Variants in EVI5 observed in about 807,000 individuals in gnomAD.
EVI5 encodes ecotropic viral integration site 5 protein homolog.
EVI5 carries 73 observed loss-of-function variants against 112.0 expected under a neutral mutation model. The ratio of observed to expected loss-of-function variants is 0.65; its 90% CI spans 0.54 to 0.79. The LOEUF (loss-of-function observed/expected upper bound fraction) is 0.79. EVI5 is among the 30% of genes least tolerant of loss of function. The probability of loss-of-function intolerance (pLI) is 0.00; values close to 1 mark genes in which losing one functional copy is unlikely to be tolerated. For synonymous variants in EVI5, 305 were observed against 319.9 expected (o/e 0.95, Z 0.50); for missense variants, 900 against 968.8 (o/e 0.93, Z 0.94).
intron 18 of EVI5, among the ~76,000 whole-genome samples, chr1:92,582,285 G>A (rs566695469): frequency 2.0e-5 from 3 of 152,268 alleles, no homozygotes; most frequent in East Asian, 1.9e-4. Context: ...GTGGTCCATC[G>A]TTGACTGAAA....
intron 18 of EVI5, among the ~76,000 whole-genome samples, chr1:92,576,241 T>A (rs926921735): frequency 6.7e-6 from 1 of 149,580 alleles, no homozygotes; most frequent in Non-Finnish European, 1.5e-5. Context: ...ATGTATGTCA[T>A]GTGTACATAT....
chr1:92,763,684 G>C (rs1401851121), intron 1 of EVI5, among the ~76,000 whole-genome samples: 1 of 152,176 alleles, frequency 6.6e-6, no homozygotes, highest in Non-Finnish European at 1.5e-5. Context: ...TGGAATCCCA[G>C]CACTTTAGGA....
chr1:92,579,791 A>C (rs377084667), intron 18 of EVI5, among the ~76,000 whole-genome samples: 2 of 152,202 alleles, frequency 1.3e-5, no homozygotes, highest in East Asian at 1.9e-4. Context: ...TTGGCCTCCC[A>C]AAGTGCTGAG....
intron 19 of EVI5, among the ~76,000 whole-genome samples, chr1:92,514,895 G>C (rs1659620399): frequency 6.6e-6 from 1 of 152,212 alleles, no homozygotes; most frequent in Admixed American, 6.5e-5. Context: ...TTTGCTAAGA[G>C]TCTCCATCCT....
At chr1:92,632,980 G>A (rs987791317) in intron 14 of EVI5, among the ~76,000 whole-genome samples, 9 of 152,076 alleles carry the variant, frequency 5.9e-5, no homozygotes, top group African/African-American at 1.9e-4. Flanking sequence ...GCAGTTGATC[G>A]GTTTTGAGTG....
chr1:92,783,498 A>AAAAG lies in EVI5; in HGVS notation c.-82+1337_-82+1338insCTTT, dbSNP rs375407009. On this transcript the variant is annotated intron_variant, in intron 1 of 19. Transcript: ENST00000684568. The stretch of plus-strand genomic sequence containing the variant: ...GACTCAGCCTTAAAAAAAAAAAAAA[A>AAAAG]AAAAAAAAAGAAAAGAAAAGAAAAG... Among the ~76,000 whole-genome samples, 1,092 of 128,836 alleles carry AAAAG rather than the reference A, an allele frequency of 8.5e-3. 29 individuals carry two copies. The highest frequency in any genetic ancestry group is 0.035 in the Admixed American group (409 of 11,786). The allele number at this position is 128,836 out of a possible 152,430, so 84.5% of individuals were successfully genotyped here. A position where few individuals can be genotyped will look rare whatever the true frequency, so the allele number is the denominator to read the frequency against.
chr1:92,534,553 A>T (rs1029699613), intron 19 of EVI5, among the ~76,000 whole-genome samples: 1 of 152,220 alleles, frequency 6.6e-6, no homozygotes, highest in African/African-American at 2.4e-5. Context: ...ACAGTAACCA[A>T]AACAGCATGG....
chr1:92,588,807 A>C (rs367968179), intron 18 of EVI5, among the ~76,000 whole-genome samples: 1 of 152,258 alleles, frequency 6.6e-6, no homozygotes, highest in African/African-American at 2.4e-5. Flanking sequence ...GTGGGTTTTA[A>C]AATTAGAATA....
chr1:92,726,903 C>A (rs774410503), intron 2 of EVI5, among the ~76,000 whole-genome samples: 7 of 151,670 alleles, frequency 4.6e-5, no homozygotes, highest in South Asian at 4.2e-4. Flanking sequence ...AACACAACCA[C>A]CAAAATAACA....
chr1:92,768,902 G>A (rs534130975), intron 1 of EVI5, among the ~76,000 whole-genome samples: 5 of 152,038 alleles, frequency 3.3e-5, no homozygotes, highest in South Asian at 4.2e-4. Context: ...ACAAAATCTC[G>A]CTGAATCTTA....
chr1:92,606,210 T>G (rs1650342401), intron 17 of EVI5, among the ~76,000 whole-genome samples: 1 of 152,228 alleles, frequency 6.6e-6, no homozygotes, highest in Non-Finnish European at 1.5e-5. Context: ...GCCCATTACT[T>G]AGACAAGTTC....
At chr1:92,735,949 G>A (rs1184752485) in intron 2 of EVI5, among the ~76,000 whole-genome samples, 1 of 150,026 alleles carries the variant, frequency 6.7e-6, no homozygotes, top group East Asian at 1.9e-4. Flanking sequence ...TGCATTCCTA[G>A]CAGAGCAGAA....
upstream of EVI5, among the ~76,000 whole-genome samples, chr1:92,788,832 T>C (rs1685871109): frequency 6.6e-6 from 1 of 152,040 alleles, no homozygotes; most frequent in African/African-American, 2.4e-5. Context: ...CCATAAAAAT[T>C]AAATAAAATT....
chr1:92,617,579 G>T (rs1383720137), intron 16 of EVI5, among the ~76,000 whole-genome samples: 3 of 152,158 alleles, frequency 2.0e-5, no homozygotes, highest in African/African-American at 7.2e-5. Flanking sequence ...GGCCATGGTG[G>T]CAGGGATGGA....
intron 8 of EVI5, 122 bp from the exon 9 acceptor site, chr1:92,694,021 G>A: frequency 4.3e-6 from 3 of 703,204 alleles, no homozygotes; most frequent in Non-Finnish European, 7.4e-6. Flanking sequence ...CAGCATTTTG[G>A]GAGGCCAAGG....
intron 14 of EVI5, among the ~76,000 whole-genome samples, chr1:92,629,322 A>C (rs1312289652): frequency 6.6e-6 from 1 of 152,152 alleles, no homozygotes; most frequent in Non-Finnish European, 1.5e-5. Context: ...TGAGACTGTT[A>C]TGTCCATTAT....
chr1:92,630,634 T>C (rs1464878503), intron 14 of EVI5, among the ~76,000 whole-genome samples: 1 of 152,174 alleles, frequency 6.6e-6, no homozygotes, highest in Non-Finnish European at 1.5e-5. Context: ...TTCACTCTGA[T>C]GGTAGTTTCT....
intron 19 of EVI5, among the ~76,000 whole-genome samples, chr1:92,526,831 T>C (rs1482380237): frequency 6.6e-6 from 1 of 152,182 alleles, no homozygotes; most frequent in Non-Finnish European, 1.5e-5. Flanking sequence ...GAATGAACCC[T>C]AATGTAAACT....
intron 18 of EVI5, among the ~76,000 whole-genome samples, chr1:92,604,364 A>T (rs1649884023): frequency 1.1e-5 from 1 of 92,938 alleles, no homozygotes. Flanking sequence ...CAAAAAAAAA[A>T]AAAATTAAAA....
Sources: allele counts gnomAD v4.1 joint callset (sites outside exome capture counted in the v4.1 genomes callset), GRCh38; gene constraint gnomAD v4.1.1; transcripts MANE v1.5; gene names NCBI Gene and HGNC (gene_info 2026-07-23, HGNC 2026-07-21).